Variants in PDE5A observed in about 807,000 individuals in gnomAD.
The protein encoded by PDE5A is cGMP-specific 3',5'-cyclic phosphodiesterase.
In PDE5A, 67 loss-of-function variants were observed where a neutral mutation model predicts 110.2. The ratio of observed to expected loss-of-function variants is 0.61; its 90% CI spans 0.50 to 0.75. The LOEUF is 0.75. Ranked by LOEUF, PDE5A falls within the 30% of genes least tolerant of loss-of-function variation. The probability of loss-of-function intolerance (pLI) is 0.00; values close to 1 mark genes in which losing one functional copy is unlikely to be tolerated. For missense variants in PDE5A, 862 were observed against 1,045.1 expected (o/e 0.82, Z 2.42); for synonymous variants, 328 against 351.2 (o/e 0.93, Z 0.74).
rs200836113 is a variant in PDE5A at position 119,519,083 on chromosome 4, A to G, written c.1962T>C (p.Asp654=). 1.1e-4 allele frequency: 170 copies of G among 1,613,712 alleles called. No individual in the cohort carries two copies. Among genetic ancestry groups the G allele is most frequent in the Non-Finnish European group, 1.4e-4 (164 of 1,179,756 alleles). The part of the protein sequence containing the change: ...LALLIAALSH[D]LDHRGVNNSY... Reference sequence around the variant, plus strand: ...AGTTATTCACACCACGGTGATCCAAATCGTGGCTTAGTGCAGCAATCAGCA... The same window carrying G: ...AGTTATTCACACCACGGTGATCCAAGTCGTGGCTTAGTGCAGCAATCAGCA... Residue 654 remains aspartate (D), a synonymous_variant, in exon 14 of 21, where the codon GAT becomes GAC. Coordinates refer to ENST00000354960, the MANE Select transcript of PDE5A (RefSeq NM_001083.4).
At chr4:119,505,335 T>C (rs1343292672) in intron 17 of PDE5A, among the ~76,000 whole-genome samples, 2 of 151,960 alleles carry the variant, frequency 1.3e-5, no homozygotes, top group African/African-American at 2.4e-5. Context: ...GTTATCTTTA[T>C]TATACACTAT....
intron 15 of PDE5A, among the ~76,000 whole-genome samples, chr4:119,507,945 A>G (rs374111512): frequency 6.6e-6 from 1 of 151,592 alleles, no homozygotes; most frequent in Non-Finnish European, 1.5e-5. Context: ...CAACTCTTAT[A>G]CTCCTTAAGC....
chr4:119,589,273 T>C (rs1728878195), intron 3 of PDE5A, among the ~76,000 whole-genome samples: 1 of 151,240 alleles, frequency 6.6e-6, no homozygotes, highest in Non-Finnish European at 1.5e-5. Context: ...AAAAAATCAG[T>C]AGGCCCAGAG....
intron 3 of PDE5A, among the ~76,000 whole-genome samples, chr4:119,590,337 C>T (rs184922488): frequency 3.9e-4 from 60 of 152,260 alleles, no homozygotes; most frequent in African/African-American, 1.4e-3. Flanking sequence ...AACTCCTACC[C>T]CATACTCCTC....
chr4:119,504,851 C>A, intron 17 of PDE5A, among the ~76,000 whole-genome samples: 1 of 152,150 alleles, frequency 6.6e-6, no homozygotes, highest in African/African-American at 2.4e-5. Context: ...TCCAGATTGG[C>A]AGACTGAAAA....
intron 1 of PDE5A, among the ~76,000 whole-genome samples, chr4:119,611,456 T>C (rs1729739683): frequency 6.7e-6 from 1 of 149,664 alleles, no homozygotes; most frequent in Non-Finnish European, 1.5e-5. Context: ...GGTGTGTTTA[T>C]TACAGAAAAT....
At chr4:119,549,172 A>ACAAT (rs1341693531) in intron 9 of PDE5A, 2 of 152,212 alleles carry the variant, frequency 1.3e-5, no homozygotes. Context: ...CGTGGTAGTG[A>ACAAT]CAATCAATGA....
chr4:119,562,937 C>T lies in PDE5A; in HGVS notation c.1027G>A (p.Glu343Lys), dbSNP rs1485657832. Residue 343 changes from glutamate (E) to lysine (K), a missense_variant, in exon 6 of 21, where the codon GAA (glutamate) becomes AAA (lysine). By Grantham distance (56) the Glu-to-Lys change is moderately conservative (BLOSUM62 1). Coordinates refer to ENST00000354960, the MANE Select transcript of PDE5A (RefSeq NM_001083.4). ...LLDLASLIFEEQQSLEVILKK... is the reference protein window; with the variant it reads ...LLDLASLIFEKQQSLEVILKK... ...AAAATTACTTCTAATGATTGTTGTT[C>T]TTCAAAAATTAAACTAGCAAGGTCA... is the stretch of plus-strand genomic sequence containing the variant. 1 of 1,598,002 alleles carries T rather than the reference C, an allele frequency of 6.3e-7. No individual in the cohort carries two copies. Among genetic ancestry groups the T allele is most frequent in the African/African-American group, 1.4e-5 (1 of 73,750 alleles).
chr4:119,590,308 T>C (rs1181233342), intron 3 of PDE5A, among the ~76,000 whole-genome samples: 1 of 152,206 alleles, frequency 6.6e-6, no homozygotes, highest in Non-Finnish European at 1.5e-5. Context: ...GTCTCCTACA[T>C]ACAAGGCAGT....
chr4:119,577,776 C>G (rs1019968294), intron 3 of PDE5A, among the ~76,000 whole-genome samples: 3 of 152,166 alleles, frequency 2.0e-5, no homozygotes, highest in African/African-American at 7.2e-5. Flanking sequence ...AAAACTGGCA[C>G]AAGACAGGGA....
chr4:119,554,507 C>T (rs1002667140), intron 7 of PDE5A, among the ~76,000 whole-genome samples: 2 of 152,092 alleles, frequency 1.3e-5, no homozygotes, highest in Non-Finnish European at 2.9e-5. Context: ...GTTTTTTCAT[C>T]AGGAAACTCC....
intron 9 of PDE5A, 142 bp downstream of exon 9, chr4:119,552,408 T>TATC (rs1385384353): frequency 9.2e-6 from 4 of 433,118 alleles, no homozygotes; most frequent in Non-Finnish European, 1.7e-5. Context: ...TGTTGGTATT[T>TATC]ATCAATTATT....
intron 3 of PDE5A, among the ~76,000 whole-genome samples, chr4:119,567,926 T>C (rs1254603028): frequency 2.0e-5 from 3 of 152,036 alleles, no homozygotes; most frequent in Non-Finnish European, 4.4e-5. Flanking sequence ...TTAGTATCAG[T>C]GGAATAAGCT....
intron 3 of PDE5A, among the ~76,000 whole-genome samples, chr4:119,572,363 T>C (rs1728171409): frequency 6.6e-6 from 1 of 152,240 alleles, no homozygotes; most frequent in South Asian, 2.1e-4. Flanking sequence ...TTTAGGGTAA[T>C]GTACTAACTG....
At chr4:119,573,838 A>G (rs1291095431) in intron 3 of PDE5A, among the ~76,000 whole-genome samples, 1 of 152,202 alleles carries the variant, frequency 6.6e-6, no homozygotes, top group Non-Finnish European at 1.5e-5. Context: ...GGCATCAGAA[A>G]TAACATGATC....
chr4:119,627,154 T>C lies in PDE5A; in HGVS notation c.152+1366A>G, dbSNP rs866779745. On this transcript the variant is annotated intron_variant, in intron 1 of 20. Coordinates refer to ENST00000354960, the MANE Select transcript of PDE5A (RefSeq NM_001083.4). This position sits in a 1 kb window ranked among gnomAD's most constrained non-coding sequence, Gnocchi z 4.6. ...GGGGGATGCTGAAGGAAGTACCTTG[T>C]TTTGTCTCCAAAGGGCAACATAGCA... The C allele has an allele frequency of 1.2e-6, 2 of 1,612,858 alleles. No homozygotes were observed. The highest frequency in any genetic ancestry group is 1.6e-4 in the Middle Eastern group (1 of 6,084).
At position 119,627,224 on chromosome 4, in the gene PDE5A, G is replaced by C; in HGVS notation, c.152+1296C>G. On this transcript the variant is annotated intron_variant, in intron 1 of 20. Transcript: ENST00000354960. The surrounding 1 kb of genome is among the most constrained non-coding windows in gnomAD (Gnocchi z 4.6). ...CGAACTCCGCCGATCCTGGACTCCAGGAGGCTCCGTAGGGGCAACAACGCG... is the reference window on the plus strand; with the variant it reads ...CGAACTCCGCCGATCCTGGACTCCACGAGGCTCCGTAGGGGCAACAACGCG... 1 of 1,610,784 alleles carries C rather than the reference G, an allele frequency of 6.2e-7. No homozygotes were observed. The highest frequency in any genetic ancestry group is 1.7e-5 in the Admixed American group (1 of 59,736).
chr4:119,506,469 G>A (rs777763173), intron 16 of PDE5A, among the ~76,000 whole-genome samples: 9 of 151,742 alleles, frequency 5.9e-5, no homozygotes, highest in Admixed American at 1.3e-4. Flanking sequence ...GTATTGTTAA[G>A]CATTTTGAGA....
intron 7 of PDE5A, among the ~76,000 whole-genome samples, chr4:119,558,362 T>G (rs1727615577): frequency 6.6e-6 from 1 of 152,218 alleles, no homozygotes; most frequent in Admixed American, 6.5e-5. Flanking sequence ...TCGAATGAGC[T>G]ATACTTTTTA....
Sources: gnomAD v4.1 joint callset for allele counts (sites outside exome capture counted in the v4.1 genomes callset) on GRCh38, gnomAD v4.1.1 for gene constraint, Gnocchi (gnomAD v3.1) non-coding constraint, MANE v1.5 for transcripts, NCBI Gene and HGNC (gene_info 2026-07-23, HGNC 2026-07-21) for gene names.